Variants in PDE8B observed in about 807,000 individuals in gnomAD.
PDE8B encodes high affinity cAMP-specific and IBMX-insensitive 3',5'-cyclic phosphodiesterase 8B.
In PDE8B, 26 loss-of-function variants were observed where a neutral mutation model predicts 101.3. That is an observed-to-expected ratio of 0.26 (90% confidence interval 0.19 to 0.36). The LOEUF is 0.36. Among genes scored for constraint, PDE8B ranks in the 10% least tolerant of loss-of-function variants. The pLI, the probability that PDE8B is intolerant of heterozygous loss-of-function variation, is 1.00. For synonymous variants in PDE8B, 424 were observed against 429.3 expected (o/e 0.99, Z 0.15); for missense variants, 810 against 1,163.1 (o/e 0.70, Z 4.42).
the PDE8B span, among the ~76,000 whole-genome samples, chr5:77,108,242 T>G: frequency 6.6e-6 from 1 of 152,222 alleles, no homozygotes; most frequent in Non-Finnish European, 1.5e-5. Flanking sequence ...TAAGGGCAAA[T>G]TTTTATTCTT....
rs1794878645 is a variant in PDE8B at position 77,413,124 on chromosome 5, C to T, written c.1726C>T (p.Leu576=). The T allele has an allele frequency of 6.2e-7, 1 of 1,613,910 alleles. No homozygotes were observed. The highest frequency in any genetic ancestry group is 1.3e-5 in the African/African-American group (1 of 75,018). ...AITHKRPLVY[L]GLKVFSRFGV... ...CCTATTTTTCAGGCCATTGGTTTAT[C>T]TGGGCTTAAAGGTCTTCTCTCGGTT... Residue 576 remains leucine (L), a synonymous_variant, in exon 17 of 22, where the codon CTG becomes TTG. Transcript: ENST00000264917.
chr5:77,205,537 T>C (rs1747428046), upstream of PDE8B, among the ~76,000 whole-genome samples: 1 of 152,108 alleles, frequency 6.6e-6, no homozygotes, highest in Non-Finnish European at 1.5e-5. Context: ...CTCTCCCTTT[T>C]AAATTTATTT....
In PDE8B at chr5:77,421,923, C is replaced by T; in HGVS notation, c.2353C>T (p.Pro785Ser). The change falls in exon 20 of 22, where the codon CCA becomes TCA. Residue 785 changes from proline (P) to serine (S), a missense_variant. Pro to Ser is a moderately conservative substitution (Grantham distance 74). This residue lies in a region of PDE8B where 325 missense variants were observed against 560.9 expected (regional missense o/e 0.58). Coordinates refer to ENST00000264917, the MANE Select transcript of PDE8B (RefSeq NM_003719.5). ...GATTAAGTGTGCTGACGTGGCCAAC[C>T]CATGCCGCCCCTTGGACCTGTGCAT... ...MMIKCADVAN[P>S]CRPLDLCIEW... 1 of 1,614,108 alleles carries T rather than the reference C, an allele frequency of 6.2e-7. No homozygotes were observed. Among genetic ancestry groups the T allele is most frequent in the Non-Finnish European group, 8.5e-7 (1 of 1,179,982 alleles).
intron 2 of PDE8B, among the ~76,000 whole-genome samples, chr5:77,323,463 C>T (rs1301880892): frequency 6.6e-6 from 1 of 152,106 alleles, no homozygotes; most frequent in East Asian, 1.9e-4. Flanking sequence ...TTTAAAAAAT[C>T]TTTATCTTTC....
intron 1 of PDE8B, chr5:77,290,254 G>T: frequency 6.4e-7 from 1 of 1,554,540 alleles, no homozygotes; most frequent in South Asian, 1.2e-5. Flanking sequence ...CCTTGGAGCA[G>T]GCCTGCTGCC....
the PDE8B span, among the ~76,000 whole-genome samples, chr5:77,129,065 T>C: frequency 6.6e-6 from 1 of 152,310 alleles, no homozygotes; most frequent in East Asian, 1.9e-4. Context: ...TATTTCTCTG[T>C]TCAGTTATTA....
intron 1 of PDE8B, among the ~76,000 whole-genome samples, chr5:77,280,589 A>C (rs551831549): frequency 6.6e-6 from 1 of 152,306 alleles, no homozygotes; most frequent in South Asian, 2.1e-4. Context: ...TAATCTCTTT[A>C]CTGTTGGGTA....
chr5:77,264,196 A>G (rs549056158), intron 1 of PDE8B, among the ~76,000 whole-genome samples: 1 of 152,326 alleles, frequency 6.6e-6, no homozygotes, highest in South Asian at 2.1e-4. Context: ...GATATTTTCA[A>G]GTTTCAACTA....
chr5:77,198,414 A>G, the PDE8B span, among the ~76,000 whole-genome samples: 140 of 152,144 alleles, frequency 9.2e-4, 1 homozygote, highest in Middle Eastern at 3.4e-3. Flanking sequence ...GTGCCCCTCT[A>G]TGTTTCTTTC....
chr5:77,316,596 T>G (rs1167564016), intron 2 of PDE8B, among the ~76,000 whole-genome samples: 3 of 152,174 alleles, frequency 2.0e-5, no homozygotes, highest in African/African-American at 7.2e-5. Flanking sequence ...CCATACTATC[T>G]TTCTGTCTTC....
At chr5:77,367,305 C>T (rs1784322234) in intron 10 of PDE8B, among the ~76,000 whole-genome samples, 2 of 152,164 alleles carry the variant, frequency 1.3e-5, no homozygotes, top group African/African-American at 4.8e-5. Flanking sequence ...CTGGGGTACA[C>T]TCTGGTTCCT....
chr5:77,163,364 A>G, the PDE8B span, among the ~76,000 whole-genome samples: 4 of 152,202 alleles, frequency 2.6e-5, no homozygotes, highest in African/African-American at 9.7e-5. Flanking sequence ...GTTCACATAT[A>G]TCAGTTGAAG....
At chr5:77,299,242 TTTTGTTTGTTTG>T (rs57889879) in intron 1 of PDE8B, among the ~76,000 whole-genome samples, 2 of 150,686 alleles carry the variant, frequency 1.3e-5, no homozygotes, top group East Asian at 3.9e-4. Flanking sequence ...AGAGTTGTTT[TTTTGTTTGTTTG>T]TTTGTTTGTT....
chr5:77,200,485 G>A, the PDE8B span, among the ~76,000 whole-genome samples: 1 of 152,146 alleles, frequency 6.6e-6, no homozygotes, highest in Non-Finnish European at 1.5e-5. Flanking sequence ...GGTTTTGTGA[G>A]GCTTGCAGAC....
chr5:77,088,992 A>C, the PDE8B span, among the ~76,000 whole-genome samples: 5 of 152,172 alleles, frequency 3.3e-5, no homozygotes, highest in Admixed American at 1.3e-4. Flanking sequence ...GTACAATAAT[A>C]CAATCCACCA....
At chr5:77,299,823 T>C (rs563583376) in intron 1 of PDE8B, among the ~76,000 whole-genome samples, 2 of 152,264 alleles carry the variant, frequency 1.3e-5, no homozygotes, top group Admixed American at 1.3e-4. Flanking sequence ...GTATTTCTAG[T>C]TCTAGATCCC....
chr5:77,149,339 T>G, the PDE8B span, among the ~76,000 whole-genome samples: 10 of 152,148 alleles, frequency 6.6e-5, no homozygotes, highest in Non-Finnish European at 1.5e-5. Flanking sequence ...TCAGAATAGT[T>G]TTGGCTGTAC....
At chr5:77,162,916 T>C in the PDE8B span, among the ~76,000 whole-genome samples, 1 of 152,212 alleles carries the variant, frequency 6.6e-6, no homozygotes, top group East Asian at 1.9e-4. Context: ...TTAGTAGTAA[T>C]TGACTTATTT....
chr5:77,391,192 A>G (rs549092462), intron 10 of PDE8B, among the ~76,000 whole-genome samples: 2 of 152,308 alleles, frequency 1.3e-5, no homozygotes, highest in South Asian at 4.1e-4. Flanking sequence ...TTCTAGGAGA[A>G]TTTTCATCCA....
Sources: gnomAD v4.1 joint callset for allele counts (sites outside exome capture counted in the v4.1 genomes callset) on GRCh38, gnomAD v4.1.1 for gene constraint, gnomAD v4.1.1 regional missense constraint, MANE v1.5 for transcripts, NCBI Gene and HGNC (gene_info 2026-07-23, HGNC 2026-07-21) for gene names.